The following IMMP2L variants were observed in gnomAD, a reference collection of about 807,000 sequenced individuals.
The protein encoded by IMMP2L is mitochondrial inner membrane protease subunit 2.
Under a neutral mutation model 19.3 loss-of-function variants are expected in IMMP2L, and 18 were observed. The observed-to-expected ratio is 0.93, with a 90% CI of 0.64 to 1.38. IMMP2L has a LOEUF of 1.38. IMMP2L is among the 40% of genes most tolerant of loss of function. IMMP2L has a pLI of 0.00. For missense variants in IMMP2L, 233 were observed against 218.2 expected, an observed-to-expected ratio of 1.07 and a Z score of -0.43; for synonymous variants, 76 against 73.0, an observed-to-expected ratio of 1.04 and a Z score of -0.21.
At chr7:110,816,538 G>A (rs905756243) in intron 5 of IMMP2L, among the ~76,000 whole-genome samples, 29 of 151,574 alleles carry the variant, frequency 1.9e-4, no homozygotes, top group Non-Finnish European at 3.2e-4. Flanking sequence ...TTTCTGTCTC[G>A]TTGATCTGTC....
intron 3 of IMMP2L, among the ~76,000 whole-genome samples, chr7:111,350,427 A>G (rs1828034996): frequency 6.6e-6 from 1 of 151,924 alleles, no homozygotes. Flanking sequence ...TTGTTAGGCT[A>G]TGAACTCATT....
intron 3 of IMMP2L, 54 bp downstream of exon 3, chr7:111,487,184 G>A: frequency 2.5e-6 from 2 of 789,550 alleles, no homozygotes; most frequent in South Asian, 1.6e-5. Flanking sequence ...AGTTAAATCA[G>A]CATAAGTATA....
At chr7:111,116,045 A>T (rs997150070) in intron 3 of IMMP2L, among the ~76,000 whole-genome samples, 7 of 152,188 alleles carry the variant, frequency 4.6e-5, no homozygotes, top group Non-Finnish European at 2.9e-5. Flanking sequence ...AGAGAAGAAA[A>T]AAGATAAAAC....
At chr7:111,476,089 A>G (rs1288661006) in intron 3 of IMMP2L, among the ~76,000 whole-genome samples, 1 of 152,156 alleles carries the variant, frequency 6.6e-6, no homozygotes, top group African/African-American at 2.4e-5. Context: ...TAAATGAAAG[A>G]GACCTTAAAG....
intron 3 of IMMP2L, among the ~76,000 whole-genome samples, chr7:111,436,403 T>A (rs933060610): frequency 1.3e-5 from 2 of 151,446 alleles, no homozygotes; most frequent in African/African-American, 4.9e-5. Context: ...AATGTATAAA[T>A]ACAAAAACAA....
At chr7:111,380,772 G>T (rs1025164670) in intron 3 of IMMP2L, among the ~76,000 whole-genome samples, 20 of 151,956 alleles carry the variant, frequency 1.3e-4, no homozygotes, top group African/African-American at 4.8e-4. Context: ...CATCTGGCTT[G>T]TCTCTGATAT....
At chr7:111,217,804 T>C (rs751928289) in intron 3 of IMMP2L, among the ~76,000 whole-genome samples, 3 of 152,080 alleles carry the variant, frequency 2.0e-5, no homozygotes, top group Non-Finnish European at 4.4e-5. Flanking sequence ...CTGCCTGACA[T>C]GAAATAACTA....
intron 3 of IMMP2L, among the ~76,000 whole-genome samples, chr7:111,022,211 T>TG (rs1299616977): frequency 1.3e-5 from 2 of 152,094 alleles, no homozygotes; most frequent in Non-Finnish European, 2.9e-5. Context: ...TGCCTAAGTA[T>TG]GGGGGAGTCA....
At chr7:111,054,609 G>T (rs1189518227) in intron 3 of IMMP2L, among the ~76,000 whole-genome samples, 1 of 152,194 alleles carries the variant, frequency 6.6e-6, no homozygotes, top group Non-Finnish European at 1.5e-5. Context: ...TACCACAGAA[G>T]AGAAGGCGTT....
At chr7:111,518,650 T>C (rs1303352788) in intron 2 of IMMP2L, among the ~76,000 whole-genome samples, 1 of 152,186 alleles carries the variant, frequency 6.6e-6, no homozygotes, top group African/African-American at 2.4e-5. Context: ...GTAGCAAAGA[T>C]GTCTTCAAAT....
chr7:111,083,096 A>C (rs1796018568), intron 3 of IMMP2L, among the ~76,000 whole-genome samples: 1 of 152,192 alleles, frequency 6.6e-6, no homozygotes, highest in Admixed American at 6.5e-5. Context: ...ATAGTAAAGT[A>C]GTTTCATGTA....
At chr7:111,036,769 CTT>C (rs991529078) in intron 3 of IMMP2L, among the ~76,000 whole-genome samples, 54 of 152,144 alleles carry the variant, frequency 3.5e-4, no homozygotes, top group African/African-American at 1.2e-3. Flanking sequence ...AACCAGATAA[CTT>C]TATAGTTTCT....
chr7:111,502,695 C>T (rs1786533663), intron 2 of IMMP2L, among the ~76,000 whole-genome samples: 1 of 151,426 alleles, frequency 6.6e-6, no homozygotes, highest in African/African-American at 2.4e-5. Flanking sequence ...TACATGGAAA[C>T]TGAACAACCT....
intron 5 of IMMP2L, among the ~76,000 whole-genome samples, chr7:110,793,448 CA>C (rs1020770439): frequency 6.6e-6 from 1 of 150,958 alleles, no homozygotes; most frequent in South Asian, 2.1e-4. Flanking sequence ...AACAAACAAA[CA>C]AAACAACTTA....
At chr7:110,943,186 C>T (rs923262777) in intron 4 of IMMP2L, among the ~76,000 whole-genome samples, 1 of 152,020 alleles carries the variant, frequency 6.6e-6, no homozygotes, top group Non-Finnish European at 1.5e-5. Context: ...GACTACTGTG[C>T]AGGAAAATAT....
chr7:110,880,174 CAT>C (rs1382486940), intron 5 of IMMP2L, among the ~76,000 whole-genome samples: 1 of 152,084 alleles, frequency 6.6e-6, no homozygotes, highest in Non-Finnish European at 1.5e-5. Context: ...CAAAAACTCA[CAT>C]GAGTCTTACT....
At chr7:111,201,254 C>CA (rs1222327974) in intron 3 of IMMP2L, among the ~76,000 whole-genome samples, 1 of 149,914 alleles carries the variant, frequency 6.7e-6, no homozygotes, top group Non-Finnish European at 1.5e-5. Context: ...GTGTTATCAC[C>CA]AACCAACATT....
chr7:111,160,385 T>C (rs1253326266), intron 3 of IMMP2L, among the ~76,000 whole-genome samples: 1 of 152,068 alleles, frequency 6.6e-6, no homozygotes, highest in Non-Finnish European at 1.5e-5. Context: ...AGTAGTCTAC[T>C]GCAATTTCTA....
At chr7:111,243,408 T>A (rs922172920) in intron 3 of IMMP2L, among the ~76,000 whole-genome samples, 13 of 152,184 alleles carry the variant, frequency 8.5e-5, no homozygotes, top group African/African-American at 3.1e-4. Context: ...CATGGACTAG[T>A]AATTTCCACA....
Sources: allele counts gnomAD v4.1 joint callset (sites outside exome capture counted in the v4.1 genomes callset), GRCh38; gene constraint gnomAD v4.1.1; transcripts MANE v1.5; gene names NCBI Gene and HGNC (gene_info 2026-07-23, HGNC 2026-07-21).